Variants in COL22A1 observed in about 807,000 individuals in gnomAD.
COL22A1 encodes collagen alpha-1(XXII) chain.
A neutral mutation model predicts 248.9 loss-of-function variants in COL22A1; 221 were observed. That is an observed-to-expected ratio of 0.89 (90% CI 0.80 to 0.99). The LOEUF is 0.99. COL22A1 is among the 50% of genes least tolerant of loss of function. The probability of loss-of-function intolerance (pLI) is 0.00; values close to 1 mark genes in which losing one functional copy is unlikely to be tolerated. For synonymous variants in COL22A1, 891 were observed against 793.4 expected, an observed-to-expected ratio of 1.12 and a Z score of -2.07; for missense variants, 2,240 against 2,179.0, an observed-to-expected ratio of 1.03 and a Z score of -0.56.
chr8:138,747,229 G>T (rs896495007), intron 22 of COL22A1, among the ~76,000 whole-genome samples: 2 of 152,194 alleles, frequency 1.3e-5, no homozygotes, highest in African/African-American at 2.4e-5. Flanking sequence ...ATATAGAAAA[G>T]AAGTTTTTCA....
intron 47 of COL22A1, among the ~76,000 whole-genome samples, chr8:138,637,866 C>T (rs1347331145): frequency 6.6e-6 from 1 of 152,050 alleles, no homozygotes; most frequent in African/African-American, 2.4e-5. Context: ...ATTATTATTC[C>T]ATAACCATCA....
rs562925887 is a variant in COL22A1, at chr8:138,899,692, T to G, written c.-73+13927A>C. The stretch of plus-strand genomic sequence containing the variant: ...GCATGCGCCACCATGCCCGGCTAAT[T>G]TTTGTATTTTTAGTAGAGACGGGGT... On this transcript the variant is annotated intron_variant, in intron 1 of 64. Transcript: ENST00000303045. Among the ~76,000 whole-genome samples, 16 of 151,990 alleles carry G rather than the reference T, an allele frequency of 1.1e-4. 1 individual carries two copies. In the South Asian group the frequency reaches 3.3e-3, roughly 32 times the overall value.
intron 30 of COL22A1, among the ~76,000 whole-genome samples, chr8:138,708,813 T>C (rs2131035570): frequency 6.6e-6 from 1 of 152,294 alleles, no homozygotes; most frequent in South Asian, 2.1e-4. Flanking sequence ...AAAGAGCTTC[T>C]GCACAGCAAA....
At chr8:138,642,218 T>C (rs1160020332) in intron 47 of COL22A1, among the ~76,000 whole-genome samples, 1 of 152,180 alleles carries the variant, frequency 6.6e-6, no homozygotes. Flanking sequence ...GGTACTGAAG[T>C]TGGACTACTA....
At chr8:138,737,614 G>A (rs755645750) in intron 22 of COL22A1, 37 bp from the exon 23 acceptor site, 12 of 1,452,260 alleles carry the variant, frequency 8.3e-6, no homozygotes, top group East Asian at 2.3e-5. Context: ...TAACAAGCAG[G>A]CAATTGTCAA....
intron 23 of COL22A1, 51 bp downstream of exon 23, chr8:138,737,473 T>A (rs1388441646): frequency 7.6e-7 from 1 of 1,308,378 alleles, no homozygotes; most frequent in Non-Finnish European, 1.1e-6. Context: ...GTCATTTATT[T>A]AATCAGAGAA....
intron 23 of COL22A1, among the ~76,000 whole-genome samples, chr8:138,736,988 C>T (rs933370560): frequency 6.6e-6 from 1 of 152,082 alleles, no homozygotes; most frequent in Non-Finnish European, 1.5e-5. Flanking sequence ...TGTGGCTGAT[C>T]CCCTTACAAC....
chr8:138,851,503 C>T (rs1288619027), intron 3 of COL22A1, among the ~76,000 whole-genome samples: 1 of 152,176 alleles, frequency 6.6e-6, no homozygotes, highest in Non-Finnish European at 1.5e-5. Context: ...GCTACCTGTC[C>T]AACAAGGACT....
intron 30 of COL22A1, among the ~76,000 whole-genome samples, chr8:138,705,136 A>G (rs1828312229): frequency 6.6e-6 from 1 of 151,712 alleles, no homozygotes; most frequent in African/African-American, 2.4e-5. Context: ...ACTATGTGAA[A>G]AGACCAAATC....
intron 45 of COL22A1, among the ~76,000 whole-genome samples, chr8:138,652,234 C>T (rs1564146170): frequency 6.6e-6 from 1 of 152,214 alleles, no homozygotes; most frequent in East Asian, 1.9e-4. Context: ...AATGGGCTTG[C>T]CCATACGCCA....
chr8:138,692,253 T>TGCGC (rs1827094165), intron 35 of COL22A1, among the ~76,000 whole-genome samples: 1 of 133,176 alleles, frequency 7.5e-6, no homozygotes, highest in Non-Finnish European at 1.7e-5. Flanking sequence ...TGGACGTATG[T>TGCGC]GTGCGTGTGT....
At chr8:138,885,942 G>C (rs1824633540) in intron 1 of COL22A1, among the ~76,000 whole-genome samples, 1 of 152,124 alleles carries the variant, frequency 6.6e-6, no homozygotes, top group African/African-American at 2.4e-5. Flanking sequence ...TATATCAAAT[G>C]CCTCAAAAAT....
chr8:138,879,645 C>T (rs1824021231), intron 2 of COL22A1, among the ~76,000 whole-genome samples: 1 of 131,278 alleles, frequency 7.6e-6, no homozygotes, highest in Admixed American at 9.1e-5. Context: ...GAGCCAATAT[C>T]ACATCACTGC....
chr8:138,897,014 G>A (rs1825466857), intron 1 of COL22A1, among the ~76,000 whole-genome samples: 1 of 151,778 alleles, frequency 6.6e-6, no homozygotes, highest in Non-Finnish European at 1.5e-5. Context: ...CCCCAGGTGA[G>A]TTACATAGGT....
chr8:138,603,558 A>G (rs1818202439), intron 59 of COL22A1, among the ~76,000 whole-genome samples: 1 of 152,212 alleles, frequency 6.6e-6, no homozygotes, highest in South Asian at 2.1e-4. Context: ...AATTTATTCG[A>G]GAAGTCCAAA....
At chr8:138,822,814 G>A (rs1819254898) in intron 6 of COL22A1, among the ~76,000 whole-genome samples, 1 of 152,002 alleles carries the variant, frequency 6.6e-6, no homozygotes, top group South Asian at 2.1e-4. Context: ...GTCCCTCCAT[G>A]TGCCCCAGTT....
intron 5 of COL22A1, 129 bp from the exon 6 acceptor site, chr8:138,826,910 C>G: frequency 8.7e-7 from 1 of 1,150,282 alleles, no homozygotes; most frequent in Non-Finnish European, 1.2e-6. Flanking sequence ...CACCATCCAC[C>G]TTCTTGGCCT....
At chr8:138,723,134 G>T (rs570209733) in intron 25 of COL22A1, among the ~76,000 whole-genome samples, 2 of 152,238 alleles carry the variant, frequency 1.3e-5, no homozygotes, top group African/African-American at 4.8e-5. Flanking sequence ...ATTTCCCCCA[G>T]CGGAATATCT....
intron 43 of COL22A1, among the ~76,000 whole-genome samples, chr8:138,660,791 CACAG>C (rs1361531985): frequency 9.8e-5 from 9 of 92,106 alleles, no homozygotes; most frequent in South Asian, 3.6e-4. Context: ...CACACACACA[CACAG>C]ACACACAGAC....
Sources: gnomAD v4.1 joint callset for allele counts (sites outside exome capture counted in the v4.1 genomes callset) on GRCh38, gnomAD v4.1.1 for gene constraint, MANE v1.5 for transcripts, NCBI Gene and HGNC (gene_info 2026-07-23, HGNC 2026-07-21) for gene names.